The following NRG1 variants were observed in gnomAD, a reference collection of about 807,000 sequenced individuals.
The protein encoded by NRG1 is neuregulin 1.
In NRG1, 18 loss-of-function variants were observed where a neutral mutation model predicts 63.8. That is an observed-to-expected ratio of 0.28 (90% CI 0.19 to 0.42). The LOEUF (loss-of-function observed/expected upper bound fraction) is 0.42, where lower values mean the gene tolerates loss of function less well. NRG1 is among the 10% of genes least tolerant of loss of function. NRG1 has a pLI of 1.00. For synonymous variants in NRG1, 302 were observed against 301.3 expected (o/e 1.00, Z -0.02); for missense variants, 762 against 814.7 (o/e 0.94, Z 0.79).
At chr8:32,088,473 C>T (rs546395266) in intron 1 of NRG1, among the ~76,000 whole-genome samples, 1 of 150,782 alleles carries the variant, frequency 6.6e-6, no homozygotes, top group East Asian at 2.0e-4. Flanking sequence ...TGAGCTTTTT[C>T]TTGAATTCAT....
intron 1 of NRG1, among the ~76,000 whole-genome samples, chr8:32,361,679 C>T (rs939673449): frequency 1.3e-5 from 2 of 152,110 alleles, no homozygotes; most frequent in African/African-American, 2.4e-5. Flanking sequence ...CTTAAATAGC[C>T]TTGGAAACCT....
At chr8:32,531,792 C>T (rs915854754) in intron 1 of NRG1, among the ~76,000 whole-genome samples, 1 of 152,070 alleles carries the variant, frequency 6.6e-6, no homozygotes, top group Non-Finnish European at 1.5e-5. Context: ...ATAGGGTTAT[C>T]GTGAAAGTTA....
chr8:32,176,862 A>G (rs1840796831), intron 1 of NRG1, among the ~76,000 whole-genome samples: 1 of 152,084 alleles, frequency 6.6e-6, no homozygotes, highest in Non-Finnish European at 1.5e-5. Context: ...AAATAGGAAC[A>G]CTTTTACACT....
At chr8:31,889,796 C>T (rs984511650) in intron 1 of NRG1, among the ~76,000 whole-genome samples, 5 of 152,080 alleles carry the variant, frequency 3.3e-5, no homozygotes, top group African/African-American at 1.2e-4. Flanking sequence ...AGCCCTCTGC[C>T]CTAGTTATGG....
At chr8:32,017,519 C>G (rs1476035994) in intron 1 of NRG1, among the ~76,000 whole-genome samples, 1 of 152,074 alleles carries the variant, frequency 6.6e-6, no homozygotes, top group Non-Finnish European at 1.5e-5. Flanking sequence ...AAGGCTCAGT[C>G]CCACAAGACC....
intron 1 of NRG1, among the ~76,000 whole-genome samples, chr8:31,888,101 T>C (rs1033923214): frequency 6.6e-6 from 1 of 151,920 alleles, no homozygotes; most frequent in Admixed American, 6.6e-5. Flanking sequence ...TGTGTTGATA[T>C]ATTACATATC....
intron 1 of NRG1, among the ~76,000 whole-genome samples, chr8:32,339,183 A>G (rs1465079625): frequency 6.6e-6 from 1 of 152,220 alleles, no homozygotes; most frequent in Admixed American, 6.5e-5. Flanking sequence ...GTCTACTTGC[A>G]TTTGTCAACA....
At chr8:32,102,104 T>C (rs2131365982) in intron 1 of NRG1, among the ~76,000 whole-genome samples, 1 of 152,334 alleles carries the variant, frequency 6.6e-6, no homozygotes, top group Middle Eastern at 3.4e-3. Context: ...TGATTCTTGC[T>C]TTCAAATACA....
chr8:31,853,541 A>G (rs1213223050), intron 1 of NRG1, among the ~76,000 whole-genome samples: 34 of 150,876 alleles, frequency 2.3e-4, no homozygotes, highest in African/African-American at 7.6e-4. Flanking sequence ...TAGATATACA[A>G]TCATGTCATC....
At chr8:31,796,877 AC>A (rs1474015314) in intron 1 of NRG1, among the ~76,000 whole-genome samples, 5 of 152,120 alleles carry the variant, frequency 3.3e-5, no homozygotes, top group Non-Finnish European at 5.9e-5. Context: ...ATTCTTTCTT[AC>A]CAGTGACTCA....
At chr8:32,681,803 A>T (rs1808711324) in intron 5 of NRG1, among the ~76,000 whole-genome samples, 1 of 152,190 alleles carries the variant, frequency 6.6e-6, no homozygotes, top group African/African-American at 2.4e-5. Context: ...GACATGAAAC[A>T]GACGGCGACC....
In NRG1 at chr8:32,019,583, GTGTT is replaced by G. The variant is rs562326574; in HGVS notation, c.37+380161_37+380164del. ...TTTCCTTTTTTGTGTTTAGTTCTTT[GTGTT>G]TGTTTGTTGAAACTTTGCTTACCTG... On this transcript the variant is annotated intron_variant, in intron 1 of 10. Transcript: ENST00000519301. 4.3e-4 allele frequency among the ~76,000 whole-genome samples: 65 copies of G among 152,070 alleles called. 1 individual carries two copies. Among genetic ancestry groups the G allele is most frequent in the Admixed American group, 3.3e-3 (50 of 15,290 alleles).
intron 1 of NRG1, among the ~76,000 whole-genome samples, chr8:31,871,006 CT>C (rs113769852): frequency 0.21 from 30,782 of 143,456 alleles, 4,602 homozygotes; most frequent in African/African-American, 0.45. Context: ...TTTTATTTTC[CT>C]TTTTTTTTTT....
intron 1 of NRG1, among the ~76,000 whole-genome samples, chr8:31,789,429 T>G (rs999798327): frequency 2.0e-5 from 3 of 152,168 alleles, no homozygotes; most frequent in Non-Finnish European, 4.4e-5. Flanking sequence ...TGGCTTTGGG[T>G]CATCCTGAGT....
chr8:32,377,857 C>T lies in NRG1; in HGVS notation c.38-217971C>T, dbSNP rs1809821439. 2.6e-5 allele frequency among the ~76,000 whole-genome samples: 4 copies of T among 152,118 alleles called. No individual in the cohort carries two copies. In the South Asian group the frequency reaches 8.3e-4, roughly 31 times the overall value. On this transcript the variant is annotated intron_variant, in intron 1 of 10. Transcript: ENST00000519301. ...CAGGATGATGTCCCTCTTGGAATTA[C>T]TTTTGATTTGTGACTGGTTTTGATC... is the stretch of plus-strand genomic sequence containing the variant.
At chr8:32,178,724 G>A (rs942946122) in intron 1 of NRG1, among the ~76,000 whole-genome samples, 1 of 152,174 alleles carries the variant, frequency 6.6e-6, no homozygotes, top group Non-Finnish European at 1.5e-5. Flanking sequence ...CAAATTCTAT[G>A]TGGTGGTGGC....
chr8:31,921,710 A>G (rs948247104), intron 1 of NRG1, among the ~76,000 whole-genome samples: 3 of 152,158 alleles, frequency 2.0e-5, no homozygotes, highest in Admixed American at 2.0e-4. Flanking sequence ...TGTGGAAACT[A>G]TATTTGGCAT....
chr8:32,764,970 A>G (rs1831311678), exon 12 of NRG1: 1 of 152,280 alleles, frequency 6.6e-6, no homozygotes, highest in East Asian at 1.9e-4. Context: ...CTACTATTAA[A>G]TACAGCAAGA....
At chr8:32,078,592 G>A (rs1479067148) in intron 1 of NRG1, among the ~76,000 whole-genome samples, 1 of 152,190 alleles carries the variant, frequency 6.6e-6, no homozygotes, top group African/African-American at 2.4e-5. Context: ...TGAAGACTCT[G>A]ACCGTGAGCT....
Sources: allele counts gnomAD v4.1 joint callset (sites outside exome capture counted in the v4.1 genomes callset), GRCh38; gene constraint gnomAD v4.1.1; transcripts MANE v1.5; gene names NCBI Gene and HGNC (gene_info 2026-07-23, HGNC 2026-07-21).